The following FLNA variants were observed in gnomAD, a reference collection of about 807,000 sequenced individuals.
FLNA encodes the protein filamin-A.
In FLNA, 7 loss-of-function variants were observed where a neutral mutation model predicts 157.6. That is an observed-to-expected ratio of 0.04 (90% confidence interval 0.03 to 0.08). The LOEUF is 0.08. FLNA is among the 10% of genes least tolerant of loss of function. The probability of loss-of-function intolerance (pLI) is 1.00; values close to 1 mark genes in which losing one functional copy is unlikely to be tolerated. For synonymous variants in FLNA, 1,103 were observed against 1,060.8 expected, an observed-to-expected ratio of 1.04 and a Z score of -0.77; for missense variants, 1,750 against 2,398.4, an observed-to-expected ratio of 0.73 and a Z score of 5.65.
chrX:154,354,498 C>T lies in FLNA; in HGVS notation c.5314-15G>A, dbSNP rs782775423. 1 of 1,201,227 alleles carries T rather than the reference C, an allele frequency of 8.3e-7. No individual in the cohort carries two copies. Among genetic ancestry groups the T allele is most frequent in the African/African-American group, 1.7e-5 (1 of 57,452 alleles). ...CTCTCCGGGGCCTGCAGTGGAGACACAGGGCATGGGTGAGGGACAGTGGGA... is the reference window on the plus strand; with the variant it reads ...CTCTCCGGGGCCTGCAGTGGAGACATAGGGCATGGGTGAGGGACAGTGGGA... On this transcript the variant is annotated splice_polypyrimidine_tract_variant and intron_variant, in intron 32 of 47. Transcript: ENST00000369850.
At position 154,361,362 on chromosome X, in the gene FLNA, G is replaced by A. The variant is rs782289085; in HGVS notation, c.3153C>T (p.Pro1051=). ...YEVEVTYDGV[P]VPGSPFPLEA... is the part of the protein sequence containing the mutation. ...CCAGAGGAAAGGGGCTGCCAGGCACGGGCACGCCGTCATAGGTCACCTCCA... is the reference window on the plus strand; with the variant it reads ...CCAGAGGAAAGGGGCTGCCAGGCACAGGCACGCCGTCATAGGTCACCTCCA... Residue 1051 remains proline, a synonymous_variant, in exon 21 of 48, where the codon CCC becomes CCT. Transcript: ENST00000369850. 3.3e-6 allele frequency: 4 copies of A among 1,210,189 alleles called. No homozygotes were observed. Among genetic ancestry groups the A allele is most frequent in the South Asian group, 3.5e-5 (2 of 56,941 alleles).
At chrX:154,364,414 C>G in intron 13 of FLNA, 42 bp from the exon 14 acceptor site, 3 of 1,192,078 alleles carry the variant, frequency 2.5e-6, no homozygotes, top group Non-Finnish European at 3.4e-6. Flanking sequence ...CAGGTCCAGG[C>G]TGCCAGAGCT....
chrX:154,367,311 C>T (rs781940230), intron 5 of FLNA, 86 bp downstream of exon 5: 21 of 1,055,461 alleles, frequency 2.0e-5, no homozygotes, highest in Non-Finnish European at 2.5e-5. Flanking sequence ...AACCCAAGAC[C>T]CCTGGGGACC....
intron 15 of FLNA, among the ~76,000 whole-genome samples, chrX:154,363,070 C>T (rs1221498042): frequency 4.4e-5 from 5 of 112,376 alleles, no homozygotes; most frequent in African/African-American, 1.3e-4. Flanking sequence ...AGCAAGTGAA[C>T]GGAAAAATGG....
At chrX:154,372,386 G>T (rs1201771071) in intron 1 of FLNA, among the ~76,000 whole-genome samples, 1 of 112,329 alleles carries the variant, frequency 8.9e-6, no homozygotes, top group Admixed American at 9.3e-5. Flanking sequence ...CTGCTCAGAG[G>T]TTCCCATAAG....
At chrX:154,350,334 G>A in intron 44 of FLNA, 127 bp from the exon 45 acceptor site, 2 of 603,174 alleles carry the variant, frequency 3.3e-6, no homozygotes, top group Non-Finnish European at 5.4e-6. Flanking sequence ...GCCCAGCCAC[G>A]CTGGGCACCT....
At position 154,348,612 on chromosome X, in the gene FLNA, C is replaced by G. The variant is rs188481436; in HGVS notation, c.*237G>C. On this transcript the variant is annotated 3_prime_UTR_variant, in exon 48 of 48. Coordinates refer to ENST00000369850, the MANE Select transcript of FLNA (RefSeq NM_001110556.2). ...TGTACAGGACCCCCATCCCTCACCC[C>G]TCCCAGAACCAAAGAAGACAAGCAG... The G allele has an allele frequency of 5.2e-6, 2 of 386,440 alleles. No individual in the cohort carries two copies. Among genetic ancestry groups the G allele is most frequent in the Admixed American group, 9.8e-5 (2 of 20,423 alleles). The allele number at this position is 386,440 out of a possible 1,213,427, so 31.8% of individuals were successfully genotyped here. A position where few individuals can be genotyped will look rare whatever the true frequency, so the allele number is the denominator to read the frequency against.
At chrX:154,374,085 G>A (rs1375215359) in intron 1 of FLNA, among the ~76,000 whole-genome samples, 1 of 112,477 alleles carries the variant, frequency 8.9e-6, no homozygotes, top group Non-Finnish European at 1.9e-5. Flanking sequence ...CAAGGGACAC[G>A]CTGTCCCCCT....
rs368746337 is a variant in FLNA at position 154,349,791 on chromosome X, G to A, written c.7410C>T (p.Ser2470=). The A allele has an allele frequency of 8.3e-7, 1 of 1,211,605 alleles. No individual in the cohort carries two copies. The highest frequency in any genetic ancestry group is 2.2e-5 in the Admixed American group (1 of 46,142). The change falls in exon 46 of 48, where the codon TCC becomes TCT. Residue 2470 remains serine, a synonymous_variant. Coordinates refer to ENST00000369850, the MANE Select transcript of FLNA (RefSeq NM_001110556.2). The part of the protein sequence containing the change: ...GALSVTIDGP[S]KVKMDCQECP... ...ACTCCTGGCAATCCATCTTCACCTT[G>A]GAGGGGCCGTCAATGGTCACCGACA... is the stretch of plus-strand genomic sequence containing the variant.
At chrX:154,351,257 G>A (rs2067616689) in intron 43 of FLNA, 2 of 461,103 alleles carry the variant, frequency 4.3e-6, no homozygotes, top group African/African-American at 4.7e-5. Flanking sequence ...ACACCCAGGT[G>A]GCAGGAAGGG....
chrX:154,373,586 C>T (rs1383365023), intron 1 of FLNA, among the ~76,000 whole-genome samples: 1 of 112,804 alleles, frequency 8.9e-6, no homozygotes, highest in African/African-American at 3.2e-5. Context: ...CACCACACCA[C>T]CCCTGGCCCT....
rs1284568539 is a variant in FLNA at position 154,365,413 on chromosome X, A to G, written c.1503T>C (p.Ala501=). The G allele has an allele frequency of 7.4e-6, 9 of 1,210,289 alleles. No homozygotes were observed. The African/African-American group carries it at 1.2e-4, about 16-fold the overall frequency. The change falls in exon 10 of 48, where the codon GCT becomes GCC. Residue 501 remains alanine (A), a synonymous_variant. Transcript: ENST00000369850. ...QPKGVRVKET[A]DFKVYTKGAG... is the part of the protein sequence containing the mutation. ...CGCCCTTTGTGTACACCTTGAAGTC[A>G]GCTGTCTCCTTCACCCGCACACCCT...
chrX:154,365,224 C>T lies in FLNA; in HGVS notation c.1603G>A (p.Asp535Asn), dbSNP rs782321294. ...EERVKQKDLG[D>N]GVYGFEYYPM... ...TAATACTCGAAGCCATACACGCCAT[C>T]CCCCAGGTCCTTCTGCTTCACGCGC... is the stretch of plus-strand genomic sequence containing the variant. The change falls in exon 11 of 48, where the codon GAT becomes AAT. Residue 535 changes from aspartate (D) to asparagine (N), a missense_variant. Physicochemically the swap from Asp to Asn is conservative, Grantham distance 23 (BLOSUM62 1). Transcript: ENST00000369850. 15 of 1,210,373 alleles carry T rather than the reference C, an allele frequency of 1.2e-5. No individual in the cohort carries two copies. In the South Asian group the frequency reaches 1.6e-4, roughly 13 times the overall value.
intron 1 of FLNA, among the ~76,000 whole-genome samples, chrX:154,372,168 C>T (rs1314853231): frequency 1.8e-5 from 2 of 113,444 alleles, no homozygotes; most frequent in African/African-American, 6.4e-5. Context: ...GGGGTCCGGG[C>T]ATGCCCACGG....
Position 154,364,713 on chromosome X carries a change from G to A in FLNA, c.1835C>T (p.Ser612Leu). 3.3e-6 allele frequency: 4 copies of A among 1,209,448 alleles called. No homozygotes were observed. Among genetic ancestry groups the A allele is most frequent in the Non-Finnish European group, 3.4e-6 (3 of 895,165 alleles). The change falls in exon 13 of 48, where the codon TCG (serine) becomes TTG (leucine). Residue 612 changes from serine (S) to leucine (L), a missense_variant. Ser to Leu is a moderately radical substitution (Grantham distance 145, BLOSUM62 -2). Coordinates refer to ENST00000369850, the MANE Select transcript of FLNA (RefSeq NM_001110556.2). The part of the protein sequence containing the change: ...IGDDVGTLGF[S>L]VEGPSQAKIE... ...CTTAGCCTGCGATGGCCCTTCCACCGAGAAGCCTGACAACAGCCACCAGTC... is the reference window on the plus strand; with the variant it reads ...CTTAGCCTGCGATGGCCCTTCCACCAAGAAGCCTGACAACAGCCACCAGTC...
In FLNA at chrX:154,364,547, G is replaced by A. The variant is rs782344845; in HGVS notation, c.2001C>T (p.Pro667=). ...TTACCCTGTCTGGGTGGAAGTCCTG[G>A]GGCGCGTCACGGATGTCAGCCATGA... ...SPFMADIRDA[P]QDFHPDRVKA... The change falls in exon 13 of 48, where the codon CCC becomes CCT. Residue 667 remains proline, a synonymous_variant. Coordinates refer to ENST00000369850, the MANE Select transcript of FLNA (RefSeq NM_001110556.2). 5 of 1,207,967 alleles carry A rather than the reference G, an allele frequency of 4.1e-6. No individual in the cohort carries two copies. Among genetic ancestry groups the A allele is most frequent in the Non-Finnish European group, 5.6e-6 (5 of 894,948 alleles).
chrX:154,352,959 GCA>G (rs782205724), intron 38 of FLNA, 35 bp from the exon 39 acceptor site: 20 of 1,209,453 alleles, frequency 1.7e-5, no homozygotes, highest in Non-Finnish European at 2.1e-5. Context: ...TCGGTGCTAT[GCA>G]CAGTGCTCCC....
chrX:154,364,737 TC>T lies in FLNA; in HGVS notation c.1829-19del. 1 of 1,206,274 alleles carries T rather than the reference TC, an allele frequency of 8.3e-7. No homozygotes were observed. The highest frequency in any genetic ancestry group is 3.0e-5 in the East Asian group (1 of 33,718). On this transcript the variant is annotated intron_variant, in intron 12 of 47. Coordinates refer to ENST00000369850, the MANE Select transcript of FLNA (RefSeq NM_001110556.2). The stretch of plus-strand genomic sequence containing the variant: ...CGAGAAGCCTGACAACAGCCACCAG[TC>T]CCCTCAGTGCCCTGGAGCCTCAGGG...
chrX:154,358,369 GTGT>G lies in FLNA; in HGVS notation c.4599-17_4599-15del, dbSNP rs1557177263. On this transcript the variant is annotated splice_polypyrimidine_tract_variant and intron_variant, in intron 27 of 47. Transcript: ENST00000369850. ...ACCTTGAAGGGGCTGTGAGGGATTG[GTGT>G]TGTGAGCAGTCAGACAGGTTCTCAG... 8.3e-7 allele frequency: 1 copy of G among 1,210,047 alleles called. No individual in the cohort carries two copies. Among genetic ancestry groups the G allele is most frequent in the African/African-American group, 1.7e-5 (1 of 57,335 alleles).
Sources: allele counts gnomAD v4.1 joint callset (sites outside exome capture counted in the v4.1 genomes callset), GRCh38; gene constraint gnomAD v4.1.1; transcripts MANE v1.5; gene names NCBI Gene and HGNC (gene_info 2026-07-23, HGNC 2026-07-21).